The following WIPI1 variants were observed in gnomAD, a reference collection of about 807,000 sequenced individuals.
The protein encoded by WIPI1 is WD repeat domain phosphoinositide-interacting protein 1.
A neutral mutation model predicts 55.3 loss-of-function variants in WIPI1; 45 were observed. The ratio of observed to expected loss-of-function variants is 0.81; its 90% CI spans 0.64 to 1.04. The LOEUF is 1.04. WIPI1 is among the 50% of genes least tolerant of loss of function. WIPI1 has a pLI of 0.00. For missense variants in WIPI1, 445 were observed against 559.0 expected, an observed-to-expected ratio of 0.80 and a Z score of 2.06; for synonymous variants, 195 against 217.6, an observed-to-expected ratio of 0.90 and a Z score of 0.92.
At chr17:68,456,220 T>A (rs1339817831) in intron 1 of WIPI1, among the ~76,000 whole-genome samples, 1 of 152,212 alleles carries the variant, frequency 6.6e-6, no homozygotes, top group Non-Finnish European at 1.5e-5. Context: ...TGATTACACA[T>A]ATGGGTTTTT....
chr17:68,457,400 C>G lies in WIPI1; in HGVS notation c.22G>C (p.Ala8Pro), dbSNP rs202190587. The G allele has an allele frequency of 7.9e-6, 12 of 1,528,338 alleles. No individual in the cohort carries two copies. In the African/African-American group the frequency reaches 1.6e-4, roughly 20 times the overall value. 94.7% of individuals were successfully genotyped at this position (1,528,338 alleles called of 1,614,324 possible). A position where few individuals can be genotyped will look rare whatever the true frequency, so the allele number is the denominator to read the frequency against. The change falls in exon 1 of 13, where the codon GCT (alanine) becomes CCT (proline). Residue 8 changes from alanine (A) to proline (P), a missense_variant. By Grantham distance (27) the Ala-to-Pro change is conservative (BLOSUM62 -1). Coordinates refer to ENST00000262139, the MANE Select transcript of WIPI1 (RefSeq NM_017983.7). ...GCCGACTCAACCCCGCCCGGGGGAG[C>G]GTCCGCGGCCTCGGCCTCCATCGGG... MEAEAAD[A>P]PPGGVESALS...
At chr17:68,438,402 A>G (rs1418291819) in intron 4 of WIPI1, among the ~76,000 whole-genome samples, 1 of 152,218 alleles carries the variant, frequency 6.6e-6, no homozygotes, top group Non-Finnish European at 1.5e-5. Context: ...CTAGGCAGGC[A>G]GAAGGGATTC....
chr17:68,444,406 G>A (rs1020564879), intron 4 of WIPI1, 87 bp downstream of exon 4: 98 of 1,260,996 alleles, frequency 7.8e-5, no homozygotes, highest in African/African-American at 9.0e-5. Context: ...ACTGCTTCAC[G>A]TTCGCAATTT....
chr17:68,436,726 C>T (rs996000071), intron 4 of WIPI1, among the ~76,000 whole-genome samples: 14 of 152,162 alleles, frequency 9.2e-5, no homozygotes, highest in African/African-American at 2.9e-4. Flanking sequence ...TGAGACTTGC[C>T]GGGCACAGTG....
intron 3 of WIPI1, among the ~76,000 whole-genome samples, 157 bp downstream of exon 3, chr17:68,450,569 ACT>A (rs1317779292): frequency 2.6e-5 from 4 of 152,050 alleles, no homozygotes; most frequent in African/African-American, 9.7e-5. Context: ...CCTGGAGTAG[ACT>A]CTGTTTACAA....
Position 68,426,252 on chromosome 17 carries a change from G to GGGGGT in WIPI1, c.1193-78_1193-77insACCCC. 9.7e-6 allele frequency: 8 copies of GGGGGT among 828,168 alleles called. 1 individual carries two copies. The highest frequency in any genetic ancestry group is 4.7e-5 in the Admixed American group (2 of 42,918). 51.3% of individuals were successfully genotyped at this position (828,168 alleles called of 1,614,324 possible). A position where few individuals can be genotyped will look rare whatever the true frequency, so the allele number is the denominator to read the frequency against. ...CCATGACCTGGCGGGTGGGGAGCGG[G>GGGGGT]GGCTCAAATAAAGGGCAAAGGAAGC... On this transcript the variant is annotated intron_variant, in intron 11 of 12. Transcript: ENST00000262139.
At position 68,433,344 on chromosome 17, in the gene WIPI1, G is replaced by A. The variant is rs574194153; in HGVS notation, c.800+124C>T. 1.7e-5 allele frequency: 16 copies of A among 929,332 alleles called. No individual in the cohort carries two copies. In the African/African-American group the frequency reaches 2.5e-4, roughly 14 times the overall value. 57.6% of individuals were successfully genotyped at this position (929,332 alleles called of 1,614,324 possible). Reference sequence around the variant, plus strand: ...TGCTAACACACACTCCATCACTTAGGTGAAGTCCCAAGTGAAGCCAAGATT... The same window carrying A: ...TGCTAACACACACTCCATCACTTAGATGAAGTCCCAAGTGAAGCCAAGATT... On this transcript the variant is annotated intron_variant, in intron 8 of 12. Coordinates refer to ENST00000262139, the MANE Select transcript of WIPI1 (RefSeq NM_017983.7).
In WIPI1 at chr17:68,423,571, G is replaced by A. The variant is rs189093992; in HGVS notation, c.1294-1751C>T. On this transcript the variant is annotated intron_variant, in intron 12 of 12. Transcript: ENST00000262139. This position sits in a 1 kb window ranked among gnomAD's most constrained non-coding sequence, Gnocchi z 4.4. ...CTCACTGGCAGGAAGTATTTCTTGC[G>A]TATAAATAAGAATTCCTGATGCAAT... 5.6e-4 allele frequency among the ~76,000 whole-genome samples: 85 copies of A among 152,268 alleles called. No homozygotes were observed. The highest frequency in any genetic ancestry group is 3.4e-3 in the Middle Eastern group (1 of 294).
intron 8 of WIPI1, among the ~76,000 whole-genome samples, chr17:68,432,572 G>T (rs1207995833): frequency 3.3e-5 from 5 of 152,136 alleles, no homozygotes; most frequent in Non-Finnish European, 7.4e-5. Flanking sequence ...CCCGGCCTCT[G>T]TCATGTATGT....
At chr17:68,426,007 G>T in intron 12 of WIPI1, 68 bp downstream of exon 12, 1 of 1,249,462 alleles carries the variant, frequency 8.0e-7, no homozygotes, top group Non-Finnish European at 1.2e-6. Flanking sequence ...TCTGCCTCTC[G>T]TATGAGGCGA....
At chr17:68,425,309 T>G (rs528648128) in intron 12 of WIPI1, among the ~76,000 whole-genome samples, 28 of 151,790 alleles carry the variant, frequency 1.8e-4, no homozygotes, top group South Asian at 8.3e-4. Flanking sequence ...GCTCAGGTGA[T>G]CCTCCCATCT....
intron 12 of WIPI1, among the ~76,000 whole-genome samples, chr17:68,424,276 A>G (rs1487803560): frequency 6.6e-6 from 1 of 152,208 alleles, no homozygotes; most frequent in African/African-American, 2.4e-5. Context: ...CCAGAAATGT[A>G]AAAGCTCACG....
rs1201829952 is a variant in WIPI1, at chr17:68,430,108, C to G, written c.853G>C (p.Ala285Pro). 1 of 1,614,112 alleles carries G rather than the reference C, an allele frequency of 6.2e-7. No individual in the cohort carries two copies. Among genetic ancestry groups the G allele is most frequent in the Non-Finnish European group, 8.5e-7 (1 of 1,180,028 alleles). ...WSGYMGKMFM[A>P]ATNYLPTQVS... ...TGGGTAGGGAGGTAGTTGGTAGCAGCCATAAACATCTTTCCCATGTAGCCA... is the reference window on the plus strand; with the variant it reads ...TGGGTAGGGAGGTAGTTGGTAGCAGGCATAAACATCTTTCCCATGTAGCCA... Residue 285 changes from alanine (A) to proline (P), a missense_variant, in exon 9 of 13, where the codon GCT becomes CCT. Coordinates refer to ENST00000262139, the MANE Select transcript of WIPI1 (RefSeq NM_017983.7).
At chr17:68,437,690 A>G (rs893061970) in intron 4 of WIPI1, among the ~76,000 whole-genome samples, 3 of 152,206 alleles carry the variant, frequency 2.0e-5, no homozygotes, top group African/African-American at 7.2e-5. Context: ...CATTGAGACA[A>G]ACTAAATAAA....
At chr17:68,433,775 T>TG (rs2083639574) in intron 7 of WIPI1, among the ~76,000 whole-genome samples, 200 bp from the exon 8 acceptor site, 2 of 61,516 alleles carry the variant, frequency 3.3e-5, no homozygotes, top group African/African-American at 1.0e-4. Flanking sequence ...TTTTTTTTTT[T>TG]TTTTTTTTTT....
intron 5 of WIPI1, among the ~76,000 whole-genome samples, 156 bp downstream of exon 5, chr17:68,436,226 G>A (rs562707764): frequency 2.6e-5 from 4 of 152,298 alleles, no homozygotes; most frequent in Non-Finnish European, 4.4e-5. Context: ...CAGCAAGCCC[G>A]AGGGGAAATA....
chr17:68,445,934 G>T (rs1189368101), intron 3 of WIPI1, among the ~76,000 whole-genome samples: 1 of 152,198 alleles, frequency 6.6e-6, no homozygotes, highest in Non-Finnish European at 1.5e-5. Flanking sequence ...GGTTTGGGAA[G>T]TTTTTAGACG....
intron 10 of WIPI1, 75 bp from the exon 11 acceptor site, chr17:68,427,328 G>T: frequency 9.0e-7 from 1 of 1,107,874 alleles, no homozygotes; most frequent in Non-Finnish European, 1.4e-6. Context: ...CAAAGGAAAA[G>T]CATGAAGAAG....
chr17:68,429,474 T>C (rs1413464743), intron 9 of WIPI1, among the ~76,000 whole-genome samples: 1 of 152,244 alleles, frequency 6.6e-6, no homozygotes, highest in East Asian at 1.9e-4. Flanking sequence ...ACAGTGTCAT[T>C]ATAACCAGAA....
Sources: gnomAD v4.1 joint callset for allele counts (sites outside exome capture counted in the v4.1 genomes callset) on GRCh38, gnomAD v4.1.1 for gene constraint, Gnocchi (gnomAD v3.1) non-coding constraint, MANE v1.5 for transcripts, NCBI Gene and HGNC (gene_info 2026-07-23, HGNC 2026-07-21) for gene names.